The following CENPH variants were observed in gnomAD, a reference collection of about 807,000 sequenced individuals.
CENPH encodes centromere protein H, also known as CENP-H.
CENPH carries 40 observed loss-of-function variants against 42.9 expected under a neutral mutation model. The ratio of observed to expected loss-of-function variants is 0.93; its 90% CI spans 0.72 to 1.21. CENPH has a LOEUF of 1.21. Among genes scored for constraint, CENPH ranks in the 50% most tolerant of loss-of-function variants. The probability of loss-of-function intolerance (pLI) is 0.00; values close to 1 mark genes in which losing one functional copy is unlikely to be tolerated. For synonymous variants in CENPH, 88 were observed against 96.5 expected, an observed-to-expected ratio of 0.91 and a Z score of 0.52; for missense variants, 302 against 292.9, an observed-to-expected ratio of 1.03 and a Z score of -0.23.
intron 2 of CENPH, among the ~76,000 whole-genome samples, chr5:69,192,379 AG>A (rs1481721966): frequency 6.6e-6 from 1 of 152,192 alleles, no homozygotes; most frequent in Non-Finnish European, 1.5e-5. Context: ...CTATATAGCT[AG>A]TACCATTTTT....
intron 5 of CENPH, among the ~76,000 whole-genome samples, chr5:69,198,400 G>T (rs144765586): frequency 6.6e-6 from 1 of 150,752 alleles, no homozygotes; most frequent in Non-Finnish European, 1.5e-5. Context: ...AGCAATTCTC[G>T]TGCCTCAGCC....
chr5:69,206,697 T>C (rs1016600983), intron 7 of CENPH, among the ~76,000 whole-genome samples: 6 of 152,080 alleles, frequency 3.9e-5, no homozygotes, highest in Admixed American at 3.9e-4. Context: ...GGTTTCATCA[T>C]GTTGGCCAGG....
rs775227674 is a variant in CENPH, at chr5:69,202,549, TTAA to T, written c.420_422del (p.Ile140del). 3.2e-6 allele frequency: 5 copies of T among 1,568,264 alleles called. No homozygotes were observed. Among genetic ancestry groups the T allele is most frequent in the Admixed American group, 1.7e-5 (1 of 57,712 alleles). ...GAAACACCTATTAGAGCTAAATAAA[TTAA>T]TAATGAAATCACAGCAGGTAAACTT... On this transcript the variant is annotated inframe_deletion, in exon 6 of 9. Coordinates refer to ENST00000283006, the MANE Select transcript of CENPH (RefSeq NM_022909.4).
chr5:69,204,484 C>A (rs1348637636), intron 7 of CENPH, among the ~76,000 whole-genome samples: 1 of 150,754 alleles, frequency 6.6e-6, no homozygotes, highest in Non-Finnish European at 1.5e-5. Context: ...GACATCGAAT[C>A]TTGCTGTGTT....
In CENPH at chr5:69,210,175, T is replaced by G. The variant is rs1390348924; in HGVS notation, c.*376T>G. ...CGCCATGCCCAGCTAATTTTTTGTA[T>G]TTTAGTAGAGACGGGGTTTCACCGT... On this transcript the variant is annotated 3_prime_UTR_variant, in exon 9 of 9. Transcript: ENST00000283006. 1.9e-5 allele frequency: 3 copies of G among 154,144 alleles called. No homozygotes were observed. Among genetic ancestry groups the G allele is most frequent in the African/African-American group, 4.8e-5 (2 of 41,434 alleles). 9.5% of individuals were successfully genotyped at this position (154,144 alleles called of 1,614,324 possible). A position where few individuals can be genotyped will look rare whatever the true frequency, so the allele number is the denominator to read the frequency against.
intron 4 of CENPH, among the ~76,000 whole-genome samples, chr5:69,196,615 C>A (rs1419891087): frequency 6.6e-6 from 1 of 152,100 alleles, no homozygotes; most frequent in African/African-American, 2.4e-5. Flanking sequence ...ACTGTGCACT[C>A]CATTGTGGGT....
chr5:69,198,390 A>G (rs1748003381), intron 5 of CENPH, among the ~76,000 whole-genome samples: 1 of 151,588 alleles, frequency 6.6e-6, no homozygotes, highest in Non-Finnish European at 1.5e-5. Context: ...CTGCGGTTCA[A>G]GCAATTCTCG....
chr5:69,208,101 A>G lies in CENPH; in HGVS notation c.488-95A>G, dbSNP rs1748190235. On this transcript the variant is annotated intron_variant, in intron 7 of 8. Coordinates refer to ENST00000283006, the MANE Select transcript of CENPH (RefSeq NM_022909.4). ...GCTTATTAAAATTTTTCTCTTGACT[A>G]AAATAACCAAGAAGTGATCTGCTTC... The G allele has an allele frequency of 4.8e-6, 3 of 622,924 alleles. No individual in the cohort carries two copies. The South Asian group carries it at 1.2e-4, about 24-fold the overall frequency. The allele number at this position is 622,924 out of a possible 1,614,324, so 38.6% of individuals were successfully genotyped here.
intron 5 of CENPH, among the ~76,000 whole-genome samples, chr5:69,199,420 C>T (rs1270864234): frequency 6.6e-6 from 1 of 152,172 alleles, no homozygotes; most frequent in Non-Finnish European, 1.5e-5. Context: ...AAGGGATCCA[C>T]CTGCGTTGGC....
At position 69,189,684 on chromosome 5, in the gene CENPH, G is replaced by T; in HGVS notation, c.50G>T (p.Gly17Val). Reference protein sequence around the residue: ...MQDADEPADSGGEGRAGGPPQ... With the variant: ...MQDADEPADSVGEGRAGGPPQ... ...GACGCCGACGAGCCCGCGGACTCCG[G>T]AGGGGAAGGCCGGGCAGGCGGGCCA... The change falls in exon 1 of 9, where the codon GGA becomes GTA. Residue 17 changes from glycine to valine, a missense_variant. Physicochemically the swap from Gly to Val is moderately radical, Grantham distance 109. Coordinates refer to ENST00000283006, the MANE Select transcript of CENPH (RefSeq NM_022909.4). 6.3e-7 allele frequency: 1 copy of T among 1,594,854 alleles called. No individual in the cohort carries two copies.
At chr5:69,208,171 T>C (rs758337616) in intron 7 of CENPH, 25 bp from the exon 8 acceptor site, 2 of 1,264,484 alleles carry the variant, frequency 1.6e-6, no homozygotes, top group South Asian at 1.3e-5. Flanking sequence ...ATATATGGTA[T>C]ATTATTTTAT....
intron 3 of CENPH, 108 bp from the exon 4 acceptor site, chr5:69,195,609 A>G: frequency 9.2e-6 from 6 of 653,014 alleles, no homozygotes; most frequent in Non-Finnish European, 1.6e-5. Context: ...GAATACTTGT[A>G]TTTAGATAGA....
chr5:69,208,167 G>C, intron 7 of CENPH, 29 bp from the exon 8 acceptor site: 1 of 1,196,428 alleles, frequency 8.4e-7, no homozygotes, highest in East Asian at 2.4e-5. Context: ...TATTATATAT[G>C]GTATATTATT....
chr5:69,195,629 C>T, intron 3 of CENPH, 88 bp from the exon 4 acceptor site: 1 of 763,618 alleles, frequency 1.3e-6, no homozygotes. Context: ...AGGTGTTTTA[C>T]TTTTTTAAGG....
intron 5 of CENPH, among the ~76,000 whole-genome samples, chr5:69,202,261 A>G (rs543970168): frequency 6.6e-6 from 1 of 152,300 alleles, no homozygotes; most frequent in Admixed American, 6.5e-5. Flanking sequence ...ACATTTTTAA[A>G]TTTGGTATTC....
chr5:69,194,797 A>C, intron 3 of CENPH, 102 bp downstream of exon 3: 1 of 698,418 alleles, frequency 1.4e-6, no homozygotes, highest in Non-Finnish European at 2.4e-6. Flanking sequence ...TGCAGGCTAG[A>C]GTGCAGTGGT....
chr5:69,203,869 A>G (rs1012396376), intron 7 of CENPH, among the ~76,000 whole-genome samples: 1 of 150,876 alleles, frequency 6.6e-6, no homozygotes, highest in Non-Finnish European at 1.5e-5. Context: ...AAAAGGATGT[A>G]GTAAATTATA....
At chr5:69,206,941 T>C (rs1580230667) in intron 7 of CENPH, among the ~76,000 whole-genome samples, 1 of 152,286 alleles carries the variant, frequency 6.6e-6, no homozygotes, top group Middle Eastern at 3.4e-3. Context: ...GGTCTCGAAC[T>C]TCTGGCAATC....
At chr5:69,200,729 T>TTC (rs1748045489) in intron 5 of CENPH, among the ~76,000 whole-genome samples, 1 of 64,312 alleles carries the variant, frequency 1.6e-5, no homozygotes, top group Admixed American at 1.6e-4. Flanking sequence ...CTTTTTTTTT[T>TTC]TTTTTTTTTT....
Sources: allele counts gnomAD v4.1 joint callset (sites outside exome capture counted in the v4.1 genomes callset), GRCh38; gene constraint gnomAD v4.1.1; transcripts MANE v1.5; gene names NCBI Gene and HGNC (gene_info 2026-07-23, HGNC 2026-07-21).